The following SERPINI1 variants were observed in gnomAD, a reference collection of about 807,000 sequenced individuals.
The protein encoded by SERPINI1 is serpin family I member 1, also known as neuroserpin.
SERPINI1 carries 19 observed loss-of-function variants against 41.1 expected under a neutral mutation model. The ratio of observed to expected loss-of-function variants is 0.46; its 90% CI spans 0.32 to 0.68. The LOEUF (loss-of-function observed/expected upper bound fraction) is 0.68, where lower values mean the gene tolerates loss of function less well. SERPINI1 is among the 30% of genes least tolerant of loss of function. SERPINI1 has a pLI of 0.03. For missense variants in SERPINI1, 460 were observed against 479.2 expected, an observed-to-expected ratio of 0.96 and a Z score of 0.37; for synonymous variants, 138 against 156.6, an observed-to-expected ratio of 0.88 and a Z score of 0.89.
chr3:167,789,346 G>C lies in SERPINI1; in HGVS notation c.218G>C (p.Arg73Pro). The change falls in exon 2 of 9, where the codon CGC becomes CCC. Residue 73 changes from arginine (R) to proline (P), a missense_variant. Coordinates refer to ENST00000446050, the MANE Select transcript of SERPINI1 (RefSeq NM_001122752.2). ...CAAGGATCTACCCAGAAAGAAATCC[G>C]CCACTCAATGGGATATGACAGCCTA... ...GAQGSTQKEI[R>P]HSMGYDSLKN... 1 of 1,614,104 alleles carries C rather than the reference G, an allele frequency of 6.2e-7. No homozygotes were observed. Among genetic ancestry groups the C allele is most frequent in the Non-Finnish European group, 8.5e-7 (1 of 1,179,988 alleles).
At position 167,790,533 on chromosome 3, in the gene SERPINI1, C is replaced by A; in HGVS notation, c.412C>A (p.His138Asn). The A allele has an allele frequency of 6.2e-7, 1 of 1,613,918 alleles. No individual in the cohort carries two copies. The highest frequency in any genetic ancestry group is 8.5e-7 in the Non-Finnish European group (1 of 1,179,912). Residue 138 changes from histidine to asparagine, a missense_variant, in exon 3 of 9, where the codon CAT becomes AAT. By Grantham distance (68) the His-to-Asn change is moderately conservative (BLOSUM62 1). Coordinates refer to ENST00000446050, the MANE Select transcript of SERPINI1 (RefSeq NM_001122752.2). ...AAAATATTTTAATGCAGCAGTAAAT[C>A]ATGTGGACTTCAGTCAAAATGTAGC... ...MKKYFNAAVN[H>N]VDFSQNVAVA...
intron 6 of SERPINI1, among the ~76,000 whole-genome samples, chr3:167,808,883 A>G (rs1037177771): frequency 6.6e-6 from 1 of 152,188 alleles, no homozygotes; most frequent in Non-Finnish European, 1.5e-5. Flanking sequence ...CTGTGATGAA[A>G]AAAGCCTTTG....
intron 5 of SERPINI1, among the ~76,000 whole-genome samples, chr3:167,806,327 G>T (rs1711636864): frequency 6.6e-6 from 1 of 152,018 alleles, no homozygotes; most frequent in Non-Finnish European, 1.5e-5. Flanking sequence ...TGTCTGAGGG[G>T]GTAGGGGGGC....
chr3:167,788,877 C>T (rs1354001873), intron 1 of SERPINI1, among the ~76,000 whole-genome samples: 1 of 152,156 alleles, frequency 6.6e-6, no homozygotes, highest in Admixed American at 6.5e-5. Context: ...AAATTAGTTT[C>T]ACCAAACATG....
At chr3:167,744,800 A>ATATT (rs1725809527) in intron 1 of SERPINI1, among the ~76,000 whole-genome samples, 2 of 128,498 alleles carry the variant, frequency 1.6e-5, no homozygotes, top group South Asian at 4.4e-4. Context: ...ATATATATAT[A>ATATT]TAATATATAA....
At chr3:167,772,383 G>A (rs560429796) in intron 1 of SERPINI1, among the ~76,000 whole-genome samples, 17 of 152,258 alleles carry the variant, frequency 1.1e-4, no homozygotes, top group Admixed American at 4.6e-4. Flanking sequence ...AGCAATACTA[G>A]AAGTGAGGAA....
chr3:167,808,288 T>TAAA (rs33942785), intron 6 of SERPINI1, among the ~76,000 whole-genome samples: 34 of 146,060 alleles, frequency 2.3e-4, no homozygotes, highest in African/African-American at 3.7e-4. Flanking sequence ...TTTTTCAGAG[T>TAAA]AAAAAAAAAA....
At chr3:167,786,889 C>A (rs1442891091) in intron 1 of SERPINI1, among the ~76,000 whole-genome samples, 1 of 152,120 alleles carries the variant, frequency 6.6e-6, no homozygotes, top group African/African-American at 2.4e-5. Flanking sequence ...CACTCACTTA[C>A]CCAAAGAACT....
rs572407904 is a variant in SERPINI1 at position 167,769,965 on chromosome 3, G to T, written c.-18-19146G>T. On this transcript the variant is annotated intron_variant, in intron 1 of 8. Transcript: ENST00000446050. ...TTTTTCAGTTTTTCACTTGTCTCTTGACTGTAGTTACATGTTTTTTTTTTT... is the reference window on the plus strand; with the variant it reads ...TTTTTCAGTTTTTCACTTGTCTCTTTACTGTAGTTACATGTTTTTTTTTTT... Among the ~76,000 whole-genome samples, 17 of 141,744 alleles carry T rather than the reference G, an allele frequency of 1.2e-4. 1 individual carries two copies. The highest frequency in any genetic ancestry group is 7.6e-3 in the Middle Eastern group (2 of 262). 93.0% of individuals were successfully genotyped at this position (141,744 alleles called of 152,430 possible).
chr3:167,737,064 A>G (rs985137772), intron 1 of SERPINI1, among the ~76,000 whole-genome samples: 7 of 151,742 alleles, frequency 4.6e-5, no homozygotes, highest in Non-Finnish European at 8.8e-5. Flanking sequence ...GTTTTCTCCT[A>G]TTTCTATGCT....
At position 167,771,851 on chromosome 3, in the gene SERPINI1, G is replaced by A. The variant is rs191951954; in HGVS notation, c.-18-17260G>A. Among the ~76,000 whole-genome samples the A allele has an allele frequency of 9.9e-3, 1,476 of 148,914 alleles. 11 individuals are homozygous for A. The highest frequency in any genetic ancestry group is 0.02 in the Admixed American group (296 of 14,898). On this transcript the variant is annotated intron_variant, in intron 1 of 8. Transcript: ENST00000446050. Reference sequence around the variant, plus strand: ...TGTGTGCGCGTGTGTGTGTGTGCGCGCACGCGCACGCACATGCACACATGG... The same window carrying A: ...TGTGTGCGCGTGTGTGTGTGTGCGCACACGCGCACGCACATGCACACATGG...
At chr3:167,766,997 A>G (rs1174576270) in intron 1 of SERPINI1, among the ~76,000 whole-genome samples, 2 of 152,270 alleles carry the variant, frequency 1.3e-5, no homozygotes, top group African/African-American at 4.8e-5. Context: ...GAAGGTGGCT[A>G]CACTAAACAA....
intron 5 of SERPINI1, among the ~76,000 whole-genome samples, chr3:167,800,337 C>T (rs549900770): frequency 6.6e-6 from 1 of 152,228 alleles, no homozygotes; most frequent in South Asian, 2.1e-4. Flanking sequence ...GTGATTATTA[C>T]CTATTGTTAA....
intron 6 of SERPINI1, among the ~76,000 whole-genome samples, chr3:167,820,605 G>C (rs1185827357): frequency 6.6e-6 from 1 of 152,214 alleles, no homozygotes; most frequent in African/African-American, 2.4e-5. Flanking sequence ...GCCCCCTCCA[G>C]ACTTTGGGCA....
intron 1 of SERPINI1, among the ~76,000 whole-genome samples, chr3:167,739,212 T>G (rs1291542192): frequency 6.6e-6 from 1 of 151,896 alleles, no homozygotes; most frequent in Non-Finnish European, 1.5e-5. Context: ...TTAGAGACCA[T>G]GTACTTCTTT....
intron 1 of SERPINI1, among the ~76,000 whole-genome samples, chr3:167,741,394 A>G (rs1392730097): frequency 6.6e-6 from 1 of 152,180 alleles, no homozygotes; most frequent in Non-Finnish European, 1.5e-5. Context: ...AGTACCTATC[A>G]ACTTGTAGTC....
At chr3:167,774,912 A>T (rs1365350186) in intron 1 of SERPINI1, among the ~76,000 whole-genome samples, 10 of 152,284 alleles carry the variant, frequency 6.6e-5, no homozygotes, top group Admixed American at 6.5e-4. Flanking sequence ...CTGACATTGT[A>T]GTGGAGAGAG....
chr3:167,794,967 TCTC>T (rs375465376), intron 5 of SERPINI1, 143 bp downstream of exon 5: 40 of 678,924 alleles, frequency 5.9e-5, no homozygotes, highest in Admixed American at 1.8e-4. Flanking sequence ...TCCTTCTCTT[TCTC>T]CTTCTCCTTC....
chr3:167,772,986 A>ATGTATATATT (rs1726842746), intron 1 of SERPINI1, among the ~76,000 whole-genome samples: 1 of 147,220 alleles, frequency 6.8e-6, no homozygotes, highest in African/African-American at 2.5e-5. Context: ...ATGTATATAT[A>ATGTATATATT]TATATTTCTC....
Sources: allele counts gnomAD v4.1 joint callset (sites outside exome capture counted in the v4.1 genomes callset), GRCh38; gene constraint gnomAD v4.1.1; transcripts MANE v1.5; gene names NCBI Gene and HGNC (gene_info 2026-07-23, HGNC 2026-07-21).